JAKMIP3: variants seen among roughly 807,000 people sequenced by gnomAD.
JAKMIP3 encodes Janus kinase and microtubule interacting protein 3.
JAKMIP3 carries 58 observed loss-of-function variants against 118.5 expected under a neutral mutation model. The ratio of observed to expected loss-of-function variants is 0.49; its 90% CI spans 0.40 to 0.61. The LOEUF (loss-of-function observed/expected upper bound fraction) is 0.61. JAKMIP3 is among the 20% of genes least tolerant of loss of function. JAKMIP3 has a pLI of 0.00. For synonymous variants in JAKMIP3, 486 were observed against 451.2 expected, an observed-to-expected ratio of 1.08 and a Z score of -0.98; for missense variants, 950 against 1,109.0, an observed-to-expected ratio of 0.86 and a Z score of 2.04.
chr10:132,088,933 C>T (rs2042762054), intron 1 of JAKMIP3, among the ~76,000 whole-genome samples: 1 of 152,178 alleles, frequency 6.6e-6, no homozygotes, highest in African/African-American at 2.4e-5. Context: ...TATGGCTAGC[C>T]AGTTCTCCCA....
chr10:132,063,992 C>G (rs906973005), upstream of JAKMIP3, among the ~76,000 whole-genome samples: 1 of 152,094 alleles, frequency 6.6e-6, no homozygotes, highest in African/African-American at 2.4e-5. Flanking sequence ...TGTGAGCATA[C>G]GATACCAGCT....
At chr10:132,127,392 TTGTGTG>T (rs145559558) in intron 3 of JAKMIP3, among the ~76,000 whole-genome samples, 2,335 of 146,962 alleles carry the variant, frequency 0.016, 65 homozygotes, top group African/African-American at 0.053. Context: ...CTGGCTAATT[TTGTGTG>T]TGTGTGTGTG....
intron 1 of JAKMIP3, among the ~76,000 whole-genome samples, chr10:132,051,490 G>T (rs1176524464): frequency 6.6e-6 from 1 of 152,124 alleles, no homozygotes; most frequent in African/African-American, 2.4e-5. Flanking sequence ...ATGATTCTGG[G>T]GGCTTCTTTA....
At chr10:132,181,677 A>G (rs563865692) in intron 23 of JAKMIP3, 18 of 152,388 alleles carry the variant, frequency 1.2e-4, no homozygotes, top group African/African-American at 3.8e-4. Flanking sequence ...TTTATTTTTC[A>G]TTCTGTTTGA....
intron 19 of JAKMIP3, among the ~76,000 whole-genome samples, chr10:132,159,210 CT>C (rs2057489985): frequency 1.2e-4 from 1 of 8,192 alleles, no homozygotes; most frequent in Non-Finnish European, 1.8e-4. Context: ...CTGTGTGATG[CT>C]GTGGGGGCAT....
chr10:132,094,011 C>G (rs1243254764), intron 1 of JAKMIP3, among the ~76,000 whole-genome samples: 1 of 145,656 alleles, frequency 6.9e-6, no homozygotes, highest in Non-Finnish European at 1.5e-5. Context: ...GATCTCAGCT[C>G]ACTGCAACCT....
chr10:132,176,486 G>A (rs1227071946), intron 23 of JAKMIP3, among the ~76,000 whole-genome samples: 1 of 152,132 alleles, frequency 6.6e-6, no homozygotes, highest in Admixed American at 6.5e-5. Flanking sequence ...ATCTGTGGCT[G>A]CCACCCAAAA....
At chr10:132,057,049 T>C (rs2038256723) in intron 1 of JAKMIP3, among the ~76,000 whole-genome samples, 1 of 152,152 alleles carries the variant, frequency 6.6e-6, no homozygotes, top group Admixed American at 6.5e-5. Flanking sequence ...CCACCAGTGC[T>C]CATCCCAAGC....
At chr10:132,133,615 C>T (rs916573425) in intron 4 of JAKMIP3, 88 bp downstream of exon 4, 1 of 1,248,806 alleles carries the variant, frequency 8.0e-7, no homozygotes, top group African/African-American at 1.5e-5. Flanking sequence ...GCCACTCCCC[C>T]AGGAGACCAG....
chr10:132,095,683 A>G (rs1241650303), intron 1 of JAKMIP3, among the ~76,000 whole-genome samples: 1 of 152,208 alleles, frequency 6.6e-6, no homozygotes, highest in African/African-American at 2.4e-5. Context: ...GAGACTCCAC[A>G]CACTTTTTCT....
intron 3 of JAKMIP3, among the ~76,000 whole-genome samples, chr10:132,128,308 C>T (rs1356638248): frequency 1.3e-5 from 2 of 152,172 alleles, no homozygotes; most frequent in Non-Finnish European, 2.9e-5. Context: ...GGCAATGTGT[C>T]TTTTTTCCTG....
intron 19 of JAKMIP3, among the ~76,000 whole-genome samples, chr10:132,154,590 T>C (rs1039840354): frequency 3.3e-5 from 5 of 152,154 alleles, no homozygotes; most frequent in African/African-American, 1.2e-4. Context: ...TATCAGGCCA[T>C]GTTGTGGAAA....
intron 19 of JAKMIP3, among the ~76,000 whole-genome samples, chr10:132,157,504 T>C (rs115975418): frequency 0.031 from 4,747 of 152,324 alleles, 205 homozygotes; most frequent in South Asian, 0.17. Context: ...TTATTTGGAA[T>C]GACCAAAGGG....
intron 22 of JAKMIP3, 137 bp from the exon 23 acceptor site, chr10:132,167,816 C>T (rs111461362): frequency 5.6e-6 from 2 of 359,060 alleles, no homozygotes; most frequent in Middle Eastern, 9.4e-4. Flanking sequence ...CACCCCTCAC[C>T]CCTCGGCCCT....
At chr10:132,127,055 A>C (rs559650225) in intron 3 of JAKMIP3, among the ~76,000 whole-genome samples, 167 of 152,202 alleles carry the variant, frequency 1.1e-3, no homozygotes, top group Middle Eastern at 3.4e-3. Context: ...CAGTGAAGCT[A>C]TTTGGGTCAG....
chr10:132,097,072 C>T (rs1196362945), intron 1 of JAKMIP3, among the ~76,000 whole-genome samples: 1 of 152,238 alleles, frequency 6.6e-6, no homozygotes, highest in East Asian at 1.9e-4. Flanking sequence ...AGCCATAGGG[C>T]CTGTGAGCTC....
At chr10:132,141,206 G>A (rs1329626966) in intron 10 of JAKMIP3, among the ~76,000 whole-genome samples, 1 of 152,212 alleles carries the variant, frequency 6.6e-6, no homozygotes, top group Non-Finnish European at 1.5e-5. Context: ...AGACCCTGGA[G>A]GGTGGCCCAA....
chr10:132,043,258 G>A (rs991207346), intron 1 of JAKMIP3, among the ~76,000 whole-genome samples: 6 of 152,118 alleles, frequency 3.9e-5, no homozygotes, highest in Non-Finnish European at 7.4e-5. Flanking sequence ...AGGCTGGAGT[G>A]TAGTGGTGTG....
rs1358026105 is a variant in JAKMIP3 at position 132,044,681 on chromosome 10, G to A, written c.-138+7943G>A. 1.3e-5 allele frequency among the ~76,000 whole-genome samples: 2 copies of A among 152,060 alleles called. No individual in the cohort carries two copies. Among genetic ancestry groups the A allele is most frequent in the East Asian group, 1.9e-4 (1 of 5,188 alleles). On this transcript the variant is annotated intron_variant, in intron 1 of 23. Transcript: ENST00000657785. The surrounding 1 kb of genome is among the most constrained non-coding windows in gnomAD (Gnocchi z 5.3). ...TGGAGGTTTTGTTTTAAATTGTGGC[G>A]AAATACACATACAAGTCACCATCTG... is the stretch of plus-strand genomic sequence containing the variant.
Sources: gnomAD v4.1 joint callset for allele counts (sites outside exome capture counted in the v4.1 genomes callset) on GRCh38, gnomAD v4.1.1 for gene constraint, Gnocchi (gnomAD v3.1) non-coding constraint, MANE v1.5 for transcripts, NCBI Gene and HGNC (gene_info 2026-07-23, HGNC 2026-07-21) for gene names.